The following SEZ6L variants were observed in gnomAD, a reference collection of about 807,000 sequenced individuals.
The protein encoded by SEZ6L is seizure 6-like protein.
SEZ6L carries 37 observed loss-of-function variants against 106.2 expected under a neutral mutation model. The ratio of observed to expected loss-of-function variants is 0.35; its 90% CI spans 0.27 to 0.46. The LOEUF is 0.46. SEZ6L is among the 20% of genes least tolerant of loss of function. The probability of loss-of-function intolerance (pLI) is 1.00; values close to 1 mark genes in which losing one functional copy is unlikely to be tolerated. For synonymous variants in SEZ6L, 541 were observed against 570.4 expected, an observed-to-expected ratio of 0.95 and a Z score of 0.73; for missense variants, 1,172 against 1,332.8, an observed-to-expected ratio of 0.88 and a Z score of 1.88.
intron 12 of SEZ6L, among the ~76,000 whole-genome samples, chr22:26,357,415 G>A (rs1390636922): frequency 6.6e-6 from 1 of 152,048 alleles, no homozygotes; most frequent in Non-Finnish European, 1.5e-5. Flanking sequence ...TGGAAAGGAG[G>A]GTGGAGAGAC....
At position 26,211,418 on chromosome 22, in the gene SEZ6L, G is replaced by T. The variant is rs78446372; in HGVS notation, c.94+41655G>T. ...AGAAGCAACCCAACCACCCACCTCA[G>T]GTCCTAGGCCCAGAATATAAGTTCT... On this transcript the variant is annotated intron_variant, in intron 1 of 16. Transcript: ENST00000248933. Among the ~76,000 whole-genome samples the T allele has an allele frequency of 5.9e-3, 894 of 152,184 alleles. 10 individuals are homozygous for T. The highest frequency in any genetic ancestry group is 0.02 in the African/African-American group (830 of 41,510).
intron 11 of SEZ6L, among the ~76,000 whole-genome samples, chr22:26,348,513 A>AGAAGGAAGGAAGGAAGGAAGGAAG (rs200858250): frequency 3.3e-4 from 11 of 33,170 alleles, no homozygotes; most frequent in African/African-American, 2.1e-3. Flanking sequence ...TGGGAGAGAG[A>AGAAGGAAGGAAGGAAGGAAGGAAG]GAAGGAAGGA....
At chr22:26,284,626 A>AAG (rs2080876478) in intron 1 of SEZ6L, among the ~76,000 whole-genome samples, 1 of 133,964 alleles carries the variant, frequency 7.5e-6, no homozygotes. Context: ...AAAAAAAAAA[A>AAG]AAAAAACCCT....
At chr22:26,221,034 G>C (rs2078454201) in intron 1 of SEZ6L, among the ~76,000 whole-genome samples, 1 of 152,086 alleles carries the variant, frequency 6.6e-6, no homozygotes. Flanking sequence ...AGAAAAGAAA[G>C]AAGAGAGGGA....
chr22:26,296,341 A>G (rs2081299777), intron 3 of SEZ6L, among the ~76,000 whole-genome samples: 1 of 152,168 alleles, frequency 6.6e-6, no homozygotes, highest in Non-Finnish European at 1.5e-5. Context: ...TCACTTACCA[A>G]TTTATGCAGA....
Position 26,351,116 on chromosome 22 carries a change from G to T in SEZ6L, c.2472G>T (p.Leu824=). 1 of 1,614,188 alleles carries T rather than the reference G, an allele frequency of 6.2e-7. No individual in the cohort carries two copies. Among genetic ancestry groups the T allele is most frequent in the South Asian group, 1.1e-5 (1 of 91,084 alleles). The change falls in exon 12 of 17, where the codon CTG becomes CTT. Residue 824 remains leucine (L), a synonymous_variant. Transcript: ENST00000248933. Reference sequence around the variant, plus strand: ...CCCGCTTAATTTCGGATCCTGTGCTGCTGGTGGGGACCACCATCCAATACA... The same window carrying T: ...CCCGCTTAATTTCGGATCCTGTGCTTCTGGTGGGGACCACCATCCAATACA... ...HSTRLISDPV[L]LVGTTIQYTC...
At chr22:26,249,995 T>A (rs150113743) in intron 1 of SEZ6L, among the ~76,000 whole-genome samples, 1 of 152,180 alleles carries the variant, frequency 6.6e-6, no homozygotes, top group Non-Finnish European at 1.5e-5. Flanking sequence ...ATTCAGCACA[T>A]TGTCACATTT....
chr22:26,295,087 C>T (rs1172285509), intron 3 of SEZ6L, among the ~76,000 whole-genome samples: 1 of 152,194 alleles, frequency 6.6e-6, no homozygotes, highest in Non-Finnish European at 1.5e-5. Flanking sequence ...TTAAGTCCTA[C>T]CTCTTCCAGT....
chr22:26,363,768 G>A (rs1422780562), intron 12 of SEZ6L, among the ~76,000 whole-genome samples: 1 of 152,232 alleles, frequency 6.6e-6, no homozygotes, highest in Admixed American at 6.5e-5. Flanking sequence ...CGACACAAGT[G>A]TCCATCGATG....
At chr22:26,204,865 C>T (rs948130870) in intron 1 of SEZ6L, among the ~76,000 whole-genome samples, 18 of 152,248 alleles carry the variant, frequency 1.2e-4, no homozygotes, top group African/African-American at 4.3e-4. Flanking sequence ...AGAAACTTCA[C>T]AGCAATCTGT....
intron 13 of SEZ6L, among the ~76,000 whole-genome samples, chr22:26,369,275 A>G (rs1242233454): frequency 6.6e-6 from 1 of 151,212 alleles, no homozygotes; most frequent in Non-Finnish European, 1.5e-5. Context: ...GAGGGTTGCA[A>G]TTTAATCTTA....
intron 9 of SEZ6L, among the ~76,000 whole-genome samples, chr22:26,327,089 G>A (rs970711670): frequency 4.6e-5 from 7 of 152,078 alleles, no homozygotes; most frequent in African/African-American, 1.7e-4. Flanking sequence ...GGCAGGAAGC[G>A]GCGACCCCAG....
intron 1 of SEZ6L, among the ~76,000 whole-genome samples, chr22:26,207,334 C>T (rs1014596195): frequency 2.0e-5 from 3 of 152,170 alleles, no homozygotes; most frequent in African/African-American, 4.8e-5. Flanking sequence ...CATATATTGG[C>T]TTTATCAATT....
At chr22:26,277,105 C>CTT (rs137189) in intron 1 of SEZ6L, among the ~76,000 whole-genome samples, 54,449 of 143,188 alleles carry the variant, frequency 0.38, 11,337 homozygotes, top group Non-Finnish European at 0.49. Flanking sequence ...AACACTGAGT[C>CTT]TTTTTTTTTT....
intron 1 of SEZ6L, among the ~76,000 whole-genome samples, chr22:26,180,532 CAA>C (rs1338050394): frequency 6.6e-6 from 1 of 152,116 alleles, no homozygotes; most frequent in Non-Finnish European, 1.5e-5. Context: ...ACATAGAACA[CAA>C]AAGTCTTTGC....
chr22:26,342,700 A>AAAG (rs1241974527), intron 10 of SEZ6L, among the ~76,000 whole-genome samples: 1 of 138,604 alleles, frequency 7.2e-6, no homozygotes, highest in East Asian at 2.3e-4. Flanking sequence ...GTCTCAAAGA[A>AAAG]AAAAGAAAAA....
chr22:26,228,968 A>G (rs1013344998), intron 1 of SEZ6L, among the ~76,000 whole-genome samples: 4 of 152,172 alleles, frequency 2.6e-5, no homozygotes, highest in Admixed American at 1.3e-4. Context: ...TGGTGGTTTC[A>G]TGGATGTATG....
chr22:26,294,645 G>A (rs1226825976), intron 3 of SEZ6L, among the ~76,000 whole-genome samples: 1 of 151,910 alleles, frequency 6.6e-6, no homozygotes, highest in Non-Finnish European at 1.5e-5. Context: ...CAAATTCTGA[G>A]GTATTTCCCA....
chr22:26,283,113 G>T (rs2080825438), intron 1 of SEZ6L, among the ~76,000 whole-genome samples: 2 of 151,906 alleles, frequency 1.3e-5, no homozygotes, highest in African/African-American at 4.8e-5. Flanking sequence ...GTAGAGATGG[G>T]GTTTCACCAT....
Sources: allele counts gnomAD v4.1 joint callset (sites outside exome capture counted in the v4.1 genomes callset), GRCh38; gene constraint gnomAD v4.1.1; transcripts MANE v1.5; gene names NCBI Gene and HGNC (gene_info 2026-07-23, HGNC 2026-07-21).